EMP2: variants seen among roughly 807,000 people sequenced by gnomAD.
EMP2 encodes epithelial membrane protein 2.
EMP2 carries 19 observed loss-of-function variants against 13.7 expected under a neutral mutation model. The observed-to-expected ratio is 1.38, with a 90% confidence interval of 0.97 to 2.03. The LOEUF (loss-of-function observed/expected upper bound fraction) is 2.03. Among genes scored for constraint, EMP2 ranks in the 30% most tolerant of loss-of-function variants. The pLI, the probability that EMP2 is intolerant of heterozygous loss-of-function variation, is 0.00. For synonymous variants in EMP2, 97 were observed against 84.7 expected, an observed-to-expected ratio of 1.15 and a Z score of -0.80; for missense variants, 253 against 220.7, an observed-to-expected ratio of 1.15 and a Z score of -0.93.
At chr16:10,568,504 G>A (rs550883963) in intron 1 of EMP2, among the ~76,000 whole-genome samples, 1 of 152,268 alleles carries the variant, frequency 6.6e-6, no homozygotes, top group East Asian at 1.9e-4. Context: ...CCAACACCAA[G>A]ACCCTGCTGC....
chr16:10,571,547 C>T (rs1164434650), intron 1 of EMP2, among the ~76,000 whole-genome samples: 1 of 152,230 alleles, frequency 6.6e-6, no homozygotes, highest in Non-Finnish European at 1.5e-5. Flanking sequence ...TCATGTAAGG[C>T]CTGGTTTTTG....
rs1361027847 is a variant in EMP2, at chr16:10,543,570, C to A, written c.169G>T (p.Glu57Ter). The A allele has an allele frequency of 2.5e-6, 4 of 1,614,032 alleles. No homozygotes were observed. The highest frequency in any genetic ancestry group is 3.3e-5 in the Admixed American group (2 of 60,006). The change falls in exon 3 of 5, where the codon GAG becomes TAG. Residue 57 changes from glutamate to a stop codon, truncating the protein, a stop_gained and splice_region_variant. Transcript: ENST00000359543. LOFTEE classifies it high-confidence loss of function. The part of the protein sequence containing the change: ...NCTVINDSFQ[E>*]YSTLQAVQAT... ...GTCAGCTTCCTTCATTCACACTTAC[C>A]TTGAAAGCTGTCATTGATGACTGTG...
intron 1 of EMP2, among the ~76,000 whole-genome samples, chr16:10,561,037 G>A (rs1363905830): frequency 1.3e-5 from 2 of 152,168 alleles, no homozygotes; most frequent in African/African-American, 4.8e-5. Context: ...GGAGGCAAAC[G>A]TGGGGAAGCT....
chr16:10,568,539 A>G (rs1420593945), intron 1 of EMP2, among the ~76,000 whole-genome samples: 2 of 152,128 alleles, frequency 1.3e-5, no homozygotes, highest in Non-Finnish European at 2.9e-5. Context: ...CTGTCCCACT[A>G]ACACACCAGT....
intron 2 of EMP2, chr16:10,545,951 C>T (rs2050735737): frequency 6.6e-6 from 1 of 152,268 alleles, no homozygotes; most frequent in African/African-American, 2.4e-5. Flanking sequence ...GCTCATCTCC[C>T]CTGACAGGCT....
At chr16:10,575,691 C>T (rs1410651918) in intron 1 of EMP2, among the ~76,000 whole-genome samples, 1 of 152,122 alleles carries the variant, frequency 6.6e-6, no homozygotes, top group Non-Finnish European at 1.5e-5. Context: ...AGGAAGCCAG[C>T]CTCTCCCTCA....
Position 10,532,913 on chromosome 16 carries a change from G to T in EMP2, c.496C>A (p.Arg166Ser), listed in dbSNP as rs752721996. The T allele has an allele frequency of 2.2e-5, 34 of 1,535,432 alleles. No homozygotes were observed. The highest frequency in any genetic ancestry group is 3.0e-5 in the Non-Finnish European group (34 of 1,135,990). The change falls in exon 5 of 5, where the codon CGC (arginine) becomes AGC (serine). Residue 166 changes from arginine (R) to serine (S), a missense_variant. Coordinates refer to ENST00000359543, the MANE Select transcript of EMP2 (RefSeq NM_001424.6). ...AACCCAGCTCCGGAACTCTATTTGC[G>T]CTTCCTCAGTATCAGGTACATCATG... ...SGMMYLILRKRK is the reference protein window; with the variant it reads ...SGMMYLILRKSK
At chr16:10,558,475 T>C (rs1000835397) in intron 1 of EMP2, among the ~76,000 whole-genome samples, 1 of 110,692 alleles carries the variant, frequency 9.0e-6, no homozygotes, top group Non-Finnish European at 1.8e-5. Context: ...AATGTTTGCT[T>C]AAAGTGTGTG....
At chr16:10,576,737 A>G (rs527450551) in intron 1 of EMP2, 4 of 152,312 alleles carry the variant, frequency 2.6e-5, no homozygotes, top group East Asian at 3.9e-4. Flanking sequence ...CAGGAATTCA[A>G]TTATTCACTT....
At chr16:10,544,102 C>T (rs1467650396) in intron 2 of EMP2, 1 of 165,996 alleles carries the variant, frequency 6.0e-6, no homozygotes, top group African/African-American at 2.4e-5. Flanking sequence ...GATCCGCCCA[C>T]CTCAGCCTCC....
intron 1 of EMP2, among the ~76,000 whole-genome samples, chr16:10,559,578 T>A (rs751710937): frequency 7.2e-5 from 11 of 152,262 alleles, no homozygotes; most frequent in Non-Finnish European, 1.3e-4. Context: ...CCAACATTAG[T>A]TGTCTAGTGT....
At chr16:10,554,791 C>T (rs947894764) in intron 1 of EMP2, among the ~76,000 whole-genome samples, 2 of 152,120 alleles carry the variant, frequency 1.3e-5, no homozygotes, top group South Asian at 2.1e-4. Flanking sequence ...TTCCCTGGAG[C>T]GGTCTCTCCG....
At chr16:10,565,243 C>G (rs1040696316) in intron 1 of EMP2, among the ~76,000 whole-genome samples, 1 of 152,234 alleles carries the variant, frequency 6.6e-6, no homozygotes, top group East Asian at 1.9e-4. Flanking sequence ...AGATAGTTCA[C>G]TTAATGCGTC....
chr16:10,558,788 G>C (rs1264190844), intron 1 of EMP2, among the ~76,000 whole-genome samples: 1 of 151,970 alleles, frequency 6.6e-6, no homozygotes, highest in Non-Finnish European at 1.5e-5. Context: ...ACGTGCCAGG[G>C]AACAAGAGTC....
At chr16:10,549,619 T>A (rs1410374070) in intron 1 of EMP2, among the ~76,000 whole-genome samples, 1 of 151,486 alleles carries the variant, frequency 6.6e-6, no homozygotes, top group East Asian at 1.9e-4. Context: ...TGGAAAAAAA[T>A]TAATTTGTAG....
chr16:10,575,366 G>A (rs992244101), intron 1 of EMP2, among the ~76,000 whole-genome samples: 1 of 144,750 alleles, frequency 6.9e-6, no homozygotes, highest in Non-Finnish European at 1.5e-5. Context: ...CCATTTTCCT[G>A]CCTCAGCCTC....
chr16:10,569,143 G>C (rs1323301157), intron 1 of EMP2, among the ~76,000 whole-genome samples: 2 of 152,042 alleles, frequency 1.3e-5, no homozygotes, highest in Non-Finnish European at 2.9e-5. Flanking sequence ...AAATTCATTC[G>C]AAGCCTGCAC....
intron 2 of EMP2, chr16:10,547,230 G>C (rs1112722): frequency 0.45 from 99,736 of 220,122 alleles, 23,510 homozygotes; most frequent in East Asian, 0.65. Context: ...AATCATGGGA[G>C]CAAGTTTATC....
intron 1 of EMP2, among the ~76,000 whole-genome samples, chr16:10,563,969 A>T (rs1596379950): frequency 2.0e-5 from 3 of 152,380 alleles, no homozygotes; most frequent in Admixed American, 2.0e-4. Flanking sequence ...TCAAGGGTGA[A>T]CCAGTGGTGT....
Sources: gnomAD v4.1 joint callset for allele counts (sites outside exome capture counted in the v4.1 genomes callset) on GRCh38, gnomAD v4.1.1 for gene constraint, MANE v1.5 for transcripts, NCBI Gene and HGNC (gene_info 2026-07-23, HGNC 2026-07-21) for gene names.